The following SORCS1 variants were observed in gnomAD, a reference collection of about 807,000 sequenced individuals.
The protein encoded by SORCS1 is VPS10 domain-containing receptor SorCS1.
In SORCS1, 60 loss-of-function variants were observed where a neutral mutation model predicts 146.1. That is an observed-to-expected ratio of 0.41 (90% CI 0.33 to 0.51). The LOEUF (loss-of-function observed/expected upper bound fraction) is 0.51. SORCS1 is among the 20% of genes least tolerant of loss of function. SORCS1 has a pLI of 0.21. For missense variants in SORCS1, 1,352 were observed against 1,487.6 expected, an observed-to-expected ratio of 0.91 and a Z score of 1.50; for synonymous variants, 637 against 584.0, an observed-to-expected ratio of 1.09 and a Z score of -1.31.
At chr10:106,850,274 G>C in intron 2 of SORCS1, among the ~76,000 whole-genome samples, 1 of 152,192 alleles carries the variant, frequency 6.6e-6, no homozygotes, top group Non-Finnish European at 1.5e-5. Flanking sequence ...CCAGGTGTGG[G>C]ATATAGTCTC....
At chr10:106,938,293 G>T (rs1953856755) in intron 2 of SORCS1, among the ~76,000 whole-genome samples, 1 of 152,150 alleles carries the variant, frequency 6.6e-6, no homozygotes, top group Non-Finnish European at 1.5e-5. Context: ...TTATACACTG[G>T]CTTGGTAGCT....
intron 1 of SORCS1, among the ~76,000 whole-genome samples, chr10:107,095,000 C>T (rs932436060): frequency 2.0e-5 from 3 of 152,158 alleles, no homozygotes; most frequent in Non-Finnish European, 4.4e-5. Context: ...CTCTCACCAA[C>T]GCGGGACAGC....
At chr10:106,740,411 A>G (rs1857283135) in intron 5 of SORCS1, among the ~76,000 whole-genome samples, 2 of 152,210 alleles carry the variant, frequency 1.3e-5, no homozygotes, top group East Asian at 3.8e-4. Context: ...ATTTTTGAAT[A>G]TGTTTACTGA....
chr10:106,886,264 A>AAACAACAAC (rs778803742), intron 2 of SORCS1, among the ~76,000 whole-genome samples: 1 of 151,950 alleles, frequency 6.6e-6, no homozygotes. Flanking sequence ...CTCTGTTTCA[A>AAACAACAAC]AACAACAACA....
chr10:106,888,107 G>A (rs1377868112), intron 2 of SORCS1, among the ~76,000 whole-genome samples: 1 of 152,156 alleles, frequency 6.6e-6, no homozygotes, highest in East Asian at 1.9e-4. Context: ...AATAGAATCT[G>A]AGAACGTTCT....
At chr10:106,625,174 C>T (rs575181771) in intron 19 of SORCS1, among the ~76,000 whole-genome samples, 16 of 151,138 alleles carry the variant, frequency 1.1e-4, no homozygotes, top group Middle Eastern at 6.9e-3. Flanking sequence ...ACAACTGACG[C>T]CCGTGAGGCT....
At chr10:107,165,599 A>C (rs1832734094), upstream of SORCS1, among the ~76,000 whole-genome samples, 1 of 152,086 alleles carries the variant, frequency 6.6e-6, no homozygotes, top group South Asian at 2.1e-4. The surrounding 1 kb of genome is among the most constrained non-coding windows in gnomAD (Gnocchi z 4.0). Context: ...CCTACATGGG[A>C]GGAAATCTGC....
rs370967995 is a variant in SORCS1 at position 107,139,831 on chromosome 10, T to C, written c.558+24138A>G. 7.2e-5 allele frequency among the ~76,000 whole-genome samples: 11 copies of C among 152,208 alleles called. No homozygotes were observed. The East Asian group carries it at 1.3e-3, about 19-fold the overall frequency. ...AACTGGATCATATTCAGCAGCTCCA[T>C]GCACCTGGCCAAACACTAAGTGCTT... On this transcript the variant is annotated intron_variant, in intron 1 of 25. Transcript: ENST00000263054.
chr10:106,952,202 G>A (rs78158698), intron 2 of SORCS1, among the ~76,000 whole-genome samples: 3,298 of 152,156 alleles, frequency 0.022, 89 homozygotes, highest in South Asian at 0.11. Flanking sequence ...TCTAGCACCC[G>A]GTTAAAGCCT....
At chr10:107,103,259 C>T (rs964497138) in intron 1 of SORCS1, among the ~76,000 whole-genome samples, 8 of 152,286 alleles carry the variant, frequency 5.3e-5, no homozygotes, top group South Asian at 4.1e-4. Flanking sequence ...CACAAAACAA[C>T]GTTAAGAAAC....
At chr10:106,588,535 C>T (rs1019577903) in intron 24 of SORCS1, among the ~76,000 whole-genome samples, 1 of 152,020 alleles carries the variant, frequency 6.6e-6, no homozygotes, top group African/African-American at 2.4e-5. Flanking sequence ...AGGCCACCGT[C>T]GTAAGCATCA....
At chr10:106,659,540 TTTCAA>T (rs1176691218) in intron 17 of SORCS1, among the ~76,000 whole-genome samples, 7 of 152,312 alleles carry the variant, frequency 4.6e-5, no homozygotes, top group Non-Finnish European at 7.4e-5. Flanking sequence ...TATTGAATCC[TTTCAA>T]TTGGTCATGG....
At chr10:106,865,140 C>T (rs1255166104) in intron 2 of SORCS1, among the ~76,000 whole-genome samples, 1 of 151,942 alleles carries the variant, frequency 6.6e-6, no homozygotes, top group Non-Finnish European at 1.5e-5. Context: ...AATGTGATGA[C>T]AGCTGCTATA....
chr10:106,588,976 T>C (rs1422887817), intron 24 of SORCS1, among the ~76,000 whole-genome samples: 1 of 151,908 alleles, frequency 6.6e-6, no homozygotes, highest in Non-Finnish European at 1.5e-5. Context: ...GCTTCCTAAG[T>C]TAATTGCAAT....
intron 1 of SORCS1, among the ~76,000 whole-genome samples, chr10:107,066,148 C>T (rs1333565138): frequency 6.6e-6 from 1 of 152,112 alleles, no homozygotes; most frequent in African/African-American, 2.4e-5. Flanking sequence ...TCAAATTAAT[C>T]TACCTGACTC....
At chr10:106,837,704 T>C (rs1434777996) in intron 2 of SORCS1, among the ~76,000 whole-genome samples, 1 of 151,700 alleles carries the variant, frequency 6.6e-6, no homozygotes, top group Non-Finnish European at 1.5e-5. Context: ...GCAATATAAT[T>C]GTGAGCTGCC....
At chr10:106,896,045 T>C (rs922228183) in intron 2 of SORCS1, among the ~76,000 whole-genome samples, 1 of 152,110 alleles carries the variant, frequency 6.6e-6, no homozygotes, top group African/African-American at 2.4e-5. Context: ...CTTGGCGACA[T>C]TATGCTAAGT....
At chr10:106,951,524 A>AAC (rs1432519360) in intron 2 of SORCS1, among the ~76,000 whole-genome samples, 17 of 151,864 alleles carry the variant, frequency 1.1e-4, no homozygotes, top group African/African-American at 3.9e-4. Flanking sequence ...AAAAAAAAAA[A>AAC]AAAAAACGGA....
chr10:107,110,722 C>G (rs1035429282), intron 1 of SORCS1, among the ~76,000 whole-genome samples: 4 of 148,250 alleles, frequency 2.7e-5, no homozygotes, highest in African/African-American at 1.0e-4. Context: ...TGGTTTTAGT[C>G]CCTTTAAGCC....
Sources: gnomAD v4.1 joint callset for allele counts (sites outside exome capture counted in the v4.1 genomes callset) on GRCh38, gnomAD v4.1.1 for gene constraint, Gnocchi (gnomAD v3.1) non-coding constraint, MANE v1.5 for transcripts, NCBI Gene and HGNC (gene_info 2026-07-23, HGNC 2026-07-21) for gene names.